The following KIRREL1 variants were observed in gnomAD, a reference collection of about 807,000 sequenced individuals.
KIRREL1 encodes kirre like nephrin family adhesion molecule 1, also known as kin of IRRE-like protein 1.
Under a neutral mutation model 83.3 loss-of-function variants are expected in KIRREL1, and 25 were observed. The observed-to-expected ratio is 0.30, with a 90% CI of 0.22 to 0.42. The LOEUF is 0.42. Among genes scored for constraint, KIRREL1 ranks in the 10% least tolerant of loss-of-function variants. The probability of loss-of-function intolerance (pLI) is 1.00; values close to 1 mark genes in which losing one functional copy is unlikely to be tolerated. For synonymous variants in KIRREL1, 388 were observed against 410.4 expected, an observed-to-expected ratio of 0.95 and a Z score of 0.66; for missense variants, 812 against 1,032.3, an observed-to-expected ratio of 0.79 and a Z score of 2.92.
At chr1:158,037,503 A>AG (rs1660510041) in intron 1 of KIRREL1, among the ~76,000 whole-genome samples, 1 of 151,870 alleles carries the variant, frequency 6.6e-6, no homozygotes, top group East Asian at 1.9e-4. Context: ...AAAAAAAAAA[A>AG]AAAAAAAAAG....
At chr1:158,053,248 G>A (rs1380375976) in intron 1 of KIRREL1, among the ~76,000 whole-genome samples, 1 of 152,146 alleles carries the variant, frequency 6.6e-6, no homozygotes, top group Admixed American at 6.6e-5. Context: ...CCATCCCCCA[G>A]TACAGCACCT....
intron 3 of KIRREL1, among the ~76,000 whole-genome samples, chr1:158,079,321 G>A (rs1661778456): frequency 6.6e-6 from 1 of 152,026 alleles, no homozygotes; most frequent in African/African-American, 2.4e-5. Context: ...TGGTTGGTTG[G>A]TTGATTGGTT....
At chr1:158,010,785 A>T (rs2101636380) in intron 1 of KIRREL1, among the ~76,000 whole-genome samples, 1 of 152,192 alleles carries the variant, frequency 6.6e-6, no homozygotes, top group Admixed American at 6.5e-5. Context: ...ATGAAAACAA[A>T]GTTAACTGGT....
chr1:158,027,756 C>T (rs566849587), intron 1 of KIRREL1, among the ~76,000 whole-genome samples: 11 of 152,284 alleles, frequency 7.2e-5, no homozygotes, highest in Admixed American at 5.9e-4. Flanking sequence ...AAGCACTTGG[C>T]GCATAGTAGG....
At chr1:158,021,732 TG>T (rs71593899) in intron 1 of KIRREL1, among the ~76,000 whole-genome samples, 11,829 of 152,216 alleles carry the variant, frequency 0.078, 529 homozygotes, top group African/African-American at 0.11. Flanking sequence ...CTAGAGGTTC[TG>T]GGGGTGTGGC....
chr1:158,051,302 A>C (rs144132044), intron 1 of KIRREL1, among the ~76,000 whole-genome samples: 3 of 152,312 alleles, frequency 2.0e-5, no homozygotes, highest in Non-Finnish European at 4.4e-5. Flanking sequence ...GCAAGGGCAG[A>C]TACAAGAACC....
chr1:158,085,532 T>C (rs1661988767), intron 4 of KIRREL1, among the ~76,000 whole-genome samples: 1 of 152,356 alleles, frequency 6.6e-6, no homozygotes, highest in East Asian at 1.9e-4. Context: ...TGTTTTTAGA[T>C]ATTTTGGCAA....
At chr1:157,997,107 GA>G (rs1659227355) in intron 1 of KIRREL1, among the ~76,000 whole-genome samples, 1 of 152,168 alleles carries the variant, frequency 6.6e-6, no homozygotes, top group Non-Finnish European at 1.5e-5. Context: ...TTAAATATCT[GA>G]TCAATTGATT....
At chr1:158,039,359 A>G (rs376946509) in intron 1 of KIRREL1, among the ~76,000 whole-genome samples, 13 of 152,346 alleles carry the variant, frequency 8.5e-5, no homozygotes, top group African/African-American at 2.9e-4. Flanking sequence ...AATTGCCAAC[A>G]GTAAAATTGC....
chr1:158,077,835 G>A (rs188380551), intron 2 of KIRREL1, among the ~76,000 whole-genome samples, 156 bp from the exon 3 acceptor site: 5 of 152,298 alleles, frequency 3.3e-5, no homozygotes, highest in African/African-American at 9.6e-5. Context: ...CAGCCTCGCC[G>A]TGAGGTGTCG....
intron 1 of KIRREL1, among the ~76,000 whole-genome samples, chr1:158,056,318 G>A (rs1476283368): frequency 2.0e-5 from 3 of 152,194 alleles, no homozygotes; most frequent in Admixed American, 6.5e-5. Flanking sequence ...CTGCCCTTGT[G>A]TCTGTCTCCC....
chr1:158,024,872 C>A (rs1052832185), intron 1 of KIRREL1, among the ~76,000 whole-genome samples: 2 of 152,254 alleles, frequency 1.3e-5, no homozygotes, highest in East Asian at 3.9e-4. Flanking sequence ...AATTAAGTAA[C>A]TCCTTGGAGG....
At chr1:158,091,237 C>T in intron 10 of KIRREL1, 121 bp from the exon 11 acceptor site, 1 of 856,440 alleles carries the variant, frequency 1.2e-6, no homozygotes, top group Non-Finnish European at 1.8e-6. Context: ...TTAGGCTGGG[C>T]TTGTGGGGCA....
chr1:158,093,681 G>A lies in KIRREL1; in HGVS notation c.1638G>A (p.Glu546=), dbSNP rs1662267136. ...LDIKVETVNR[E]PLTMHSDRED... is the part of the protein sequence containing the mutation. ...TCAAGGTGGAGACAGTGAACCGAGA[G>A]CCACTTACGATGCATTCTGACCGGG... The change falls in exon 13 of 15, where the codon GAG becomes GAA. Residue 546 remains glutamate, a synonymous_variant. Coordinates refer to ENST00000359209, the MANE Select transcript of KIRREL1 (RefSeq NM_018240.7). The A allele has an allele frequency of 6.2e-7, 1 of 1,614,056 alleles. No individual in the cohort carries two copies. Among genetic ancestry groups the A allele is most frequent in the African/African-American group, 1.3e-5 (1 of 74,924 alleles).
rs1662125552 is a variant in KIRREL1, at chr1:158,089,514, A to G, written c.1057A>G (p.Ser353Gly). 6.2e-7 allele frequency: 1 copy of G among 1,614,160 alleles called. No individual in the cohort carries two copies. The highest frequency in any genetic ancestry group is 8.5e-7 in the Non-Finnish European group (1 of 1,180,028). The change falls in exon 9 of 15, where the codon AGC becomes GGC. Residue 353 changes from serine (S) to glycine (G), a missense_variant. By Grantham distance (56) the Ser-to-Gly change is moderately conservative. Around this residue, in one of 3 missense-constraint regions of KIRREL1, gnomAD observed 472 missense variants for 626.8 expected, o/e 0.75. Transcript: ENST00000359209. The stretch of plus-strand genomic sequence containing the variant: ...TCTCTCTGCCCAGGTCCTGAGTAAC[A>G]GCAACCAGCTGCTGCTGAAGTCGGT... ...KKDSNMVLSN[S>G]NQLLLKSVTQ... is the part of the protein sequence containing the mutation.
At chr1:158,062,635 A>G (rs190727582) in intron 1 of KIRREL1, among the ~76,000 whole-genome samples, 14 of 152,396 alleles carry the variant, frequency 9.2e-5, no homozygotes, top group Admixed American at 9.1e-4. Flanking sequence ...CAACACTAGT[A>G]TGTTGACGTG....
rs552385421 is a variant in KIRREL1, at chr1:158,005,434, A to AC, written c.52+11709dup. On this transcript the variant is annotated intron_variant, in intron 1 of 14. Transcript: ENST00000359209. ...CCTGCCACCTCACTAGCTCCATGCC[A>AC]CCCACCCCACCCTGCCAAGTCTTCA... 5.3e-3 allele frequency among the ~76,000 whole-genome samples: 804 copies of AC among 151,244 alleles called. 6 individuals carry two copies. Among genetic ancestry groups the AC allele is most frequent in the African/African-American group, 0.018 (758 of 41,122 alleles).
intron 1 of KIRREL1, among the ~76,000 whole-genome samples, chr1:158,043,905 T>C (rs1407162400): frequency 6.6e-6 from 1 of 152,202 alleles, no homozygotes; most frequent in Non-Finnish European, 1.5e-5. Context: ...ACTAGCTTTG[T>C]GACATTAGGC....
chr1:158,088,012 C>T lies in KIRREL1; in HGVS notation c.774C>T (p.Ala258=). ...GTGTTGCCTCCTCCCCTAGGTGGGC[C>T]AAAGGGGGTTTCTTGATTGAAGACG... ...ANPEILGYRW[A]KGGFLIEDAH... is the part of the protein sequence containing the mutation. Residue 258 remains alanine (A), a synonymous_variant, in exon 7 of 15, where the codon GCC becomes GCT. Transcript: ENST00000359209. 2 of 1,614,094 alleles carry T rather than the reference C, an allele frequency of 1.2e-6. No individual in the cohort carries two copies. The highest frequency in any genetic ancestry group is 1.7e-6 in the Non-Finnish European group (2 of 1,180,000).
Sources: allele counts gnomAD v4.1 joint callset (sites outside exome capture counted in the v4.1 genomes callset), GRCh38; gene constraint gnomAD v4.1.1; regional missense constraint gnomAD v4.1.1; transcripts MANE v1.5; gene names NCBI Gene and HGNC (gene_info 2026-07-23, HGNC 2026-07-21).